CRIM1: variants seen among roughly 807,000 people sequenced by gnomAD.
CRIM1 encodes the protein cysteine-rich motor neuron 1 protein.
A neutral mutation model predicts 116.4 loss-of-function variants in CRIM1; 32 were observed. The ratio of observed to expected loss-of-function variants is 0.27; its 90% CI spans 0.21 to 0.37. CRIM1 has a LOEUF of 0.37. CRIM1 is among the 10% of genes least tolerant of loss of function. CRIM1 has a pLI of 1.00. For synonymous variants in CRIM1, 590 were observed against 509.2 expected (o/e 1.16, Z -2.13); for missense variants, 1,331 against 1,354.8 (o/e 0.98, Z 0.28).
chr2:36,400,679 T>A (rs190271747), intron 2 of CRIM1, among the ~76,000 whole-genome samples: 3 of 152,248 alleles, frequency 2.0e-5, no homozygotes, highest in Admixed American at 1.3e-4. Flanking sequence ...AATCAGGTAC[T>A]ACCTAGGTTT....
At chr2:36,516,137 C>A (rs1665017315) in intron 11 of CRIM1, among the ~76,000 whole-genome samples, 1 of 152,226 alleles carries the variant, frequency 6.6e-6, no homozygotes, top group South Asian at 2.1e-4. Context: ...ACCCTCTTAA[C>A]TGGAAATCAG....
chr2:36,363,914 G>C (rs1010693688), intron 1 of CRIM1, among the ~76,000 whole-genome samples: 2 of 152,116 alleles, frequency 1.3e-5, no homozygotes, highest in Non-Finnish European at 2.9e-5. Flanking sequence ...AGAAGTCAGA[G>C]GATTATCCAT....
intron 9 of CRIM1, among the ~76,000 whole-genome samples, chr2:36,510,725 T>C (rs1664607843): frequency 6.6e-6 from 1 of 152,134 alleles, no homozygotes; most frequent in South Asian, 2.1e-4. Flanking sequence ...CCCATGAGAA[T>C]CTAGATTATT....
chr2:36,427,353 GTCTT>G (rs1241109118), intron 2 of CRIM1, among the ~76,000 whole-genome samples: 6 of 152,196 alleles, frequency 3.9e-5, no homozygotes, highest in African/African-American at 1.4e-4. Context: ...TAGGGATAGA[GTCTT>G]TCAGCCATCA....
At position 36,547,025 on chromosome 2, in the gene CRIM1, C is replaced by A; in HGVS notation, c.2788C>A (p.His930Asn). Reference sequence around the variant, plus strand: ...GGTAGATTACAGAGATAACAGGCTGCACCCAAGTGAAGATTCTTCACTGGA... The same window carrying A: ...GGTAGATTACAGAGATAACAGGCTGAACCCAAGTGAAGATTCTTCACTGGA... ...LQVDYRDNRL[H>N]PSEDSSLDSI... Residue 930 changes from histidine (H) to asparagine (N), a missense_variant, in exon 16 of 17, where the codon CAC becomes AAC. Coordinates refer to ENST00000280527, the MANE Select transcript of CRIM1 (RefSeq NM_016441.3). The A allele has an allele frequency of 6.2e-7, 1 of 1,612,514 alleles. No homozygotes were observed. The highest frequency in any genetic ancestry group is 8.5e-7 in the Non-Finnish European group (1 of 1,178,896).
chr2:36,439,359 C>G (rs1325509367), intron 2 of CRIM1, among the ~76,000 whole-genome samples: 1 of 152,204 alleles, frequency 6.6e-6, no homozygotes, highest in Non-Finnish European at 1.5e-5. Context: ...TGTTGTTGCC[C>G]AGGTTCCCAA....
intron 8 of CRIM1, among the ~76,000 whole-genome samples, chr2:36,501,516 C>G (rs538784987): frequency 6.6e-6 from 1 of 151,668 alleles, no homozygotes; most frequent in South Asian, 2.1e-4. Context: ...CTCAGGAGTT[C>G]GAAACCAGCC....
intron 13 of CRIM1, among the ~76,000 whole-genome samples, chr2:36,523,707 A>G (rs189998485): frequency 1.4e-4 from 22 of 152,352 alleles, no homozygotes; most frequent in Admixed American, 1.2e-3. Flanking sequence ...CATGTTTTCT[A>G]AACACAAGTC....
chr2:36,531,191 G>C (rs961611274), intron 13 of CRIM1, among the ~76,000 whole-genome samples: 1 of 152,206 alleles, frequency 6.6e-6, no homozygotes, highest in Non-Finnish European at 1.5e-5. Flanking sequence ...AAAGCAGCCT[G>C]ACTTCCTCCC....
intron 8 of CRIM1, among the ~76,000 whole-genome samples, chr2:36,503,722 T>C (rs1291374371): frequency 2.0e-5 from 3 of 152,314 alleles, no homozygotes; most frequent in East Asian, 3.9e-4. Context: ...TTGTTTTTTT[T>C]CTATTGCAGC....
chr2:36,455,570 G>C (rs549798151), intron 4 of CRIM1, among the ~76,000 whole-genome samples: 57 of 152,292 alleles, frequency 3.7e-4, no homozygotes, highest in Non-Finnish European at 7.5e-4. Context: ...CGTTGGATAG[G>C]AGACAGAGTC....
At chr2:36,470,927 G>T (rs547464308) in intron 5 of CRIM1, among the ~76,000 whole-genome samples, 35 of 152,298 alleles carry the variant, frequency 2.3e-4, no homozygotes, top group African/African-American at 7.9e-4. Flanking sequence ...TCAGGGGAAG[G>T]TGTCAGAATA....
intron 2 of CRIM1, among the ~76,000 whole-genome samples, chr2:36,424,985 A>G (rs1285413361): frequency 2.0e-5 from 3 of 152,026 alleles, no homozygotes; most frequent in Non-Finnish European, 4.4e-5. Context: ...TACCCTTCCT[A>G]TTGGTACAAG....
intron 2 of CRIM1, among the ~76,000 whole-genome samples, chr2:36,421,507 C>G (rs1674065137): frequency 6.6e-6 from 1 of 152,108 alleles, no homozygotes; most frequent in African/African-American, 2.4e-5. Flanking sequence ...TTTCCACTTT[C>G]AGTAAGAAAA....
chr2:36,465,599 T>C (rs1677946353), intron 5 of CRIM1, among the ~76,000 whole-genome samples: 1 of 152,202 alleles, frequency 6.6e-6, no homozygotes, highest in Non-Finnish European at 1.5e-5. Flanking sequence ...GGTTGCATCC[T>C]GTGATTTTTA....
Position 36,464,299 on chromosome 2 carries a change from A to G in CRIM1, c.870-235A>G, listed in dbSNP as rs192753629. Among the ~76,000 whole-genome samples the G allele has an allele frequency of 3.3e-5, 5 of 152,374 alleles. No homozygotes were observed. The East Asian group carries it at 7.7e-4, about 23-fold the overall frequency. ...ATGCATTTTAGAAATATTTCTGTCA[A>G]AATGGTTAAAGTTAAAAATTGGGGT... On this transcript the variant is annotated intron_variant, in intron 4 of 16. Coordinates refer to ENST00000280527, the MANE Select transcript of CRIM1 (RefSeq NM_016441.3).
chr2:36,367,929 C>G (rs944221369), intron 1 of CRIM1, among the ~76,000 whole-genome samples: 1 of 152,102 alleles, frequency 6.6e-6, no homozygotes, highest in Admixed American at 6.6e-5. Context: ...ATTATTAAGA[C>G]TATGAGGTAG....
intron 1 of CRIM1, among the ~76,000 whole-genome samples, chr2:36,377,265 G>T (rs1004619989): frequency 5.3e-5 from 8 of 152,232 alleles, no homozygotes; most frequent in Non-Finnish European, 1.0e-4. Flanking sequence ...CAGTCTTGGG[G>T]CATTTTACCC....
chr2:36,439,608 G>T (rs543071634), intron 2 of CRIM1, among the ~76,000 whole-genome samples: 1 of 152,094 alleles, frequency 6.6e-6, no homozygotes, highest in Non-Finnish European at 1.5e-5. Flanking sequence ...TGCGTCAGCA[G>T]TTCCTTCTGC....
Sources: gnomAD v4.1 joint callset for allele counts (sites outside exome capture counted in the v4.1 genomes callset) on GRCh38, gnomAD v4.1.1 for gene constraint, MANE v1.5 for transcripts, NCBI Gene and HGNC (gene_info 2026-07-23, HGNC 2026-07-21) for gene names.